SLC12A8: variants seen among roughly 807,000 people sequenced by gnomAD.
SLC12A8 encodes the protein cation-chloride cotransporter 9.
SLC12A8 carries 69 observed loss-of-function variants against 75.6 expected under a neutral mutation model. That is an observed-to-expected ratio of 0.91 (90% CI 0.75 to 1.11). SLC12A8 has a LOEUF of 1.11. Among genes scored for constraint, SLC12A8 ranks in the 50% most tolerant of loss-of-function variants. The pLI is 0.00. For synonymous variants in SLC12A8, 365 were observed against 372.8 expected, an observed-to-expected ratio of 0.98 and a Z score of 0.24; for missense variants, 877 against 896.7, an observed-to-expected ratio of 0.98 and a Z score of 0.28.
At chr3:125,103,394 G>A (rs988820769) in intron 10 of SLC12A8, among the ~76,000 whole-genome samples, 1 of 150,916 alleles carries the variant, frequency 6.6e-6, no homozygotes, top group African/African-American at 2.4e-5. Flanking sequence ...CTACAGTAAG[G>A]TGCCCCAATT....
intron 5 of SLC12A8, among the ~76,000 whole-genome samples, chr3:125,158,120 A>G (rs1465274481): frequency 6.6e-6 from 1 of 152,202 alleles, no homozygotes; most frequent in Non-Finnish European, 1.5e-5. Flanking sequence ...TTTCAGGAAT[A>G]AATACATTTT....
intron 5 of SLC12A8, among the ~76,000 whole-genome samples, chr3:125,175,800 A>G (rs1934514544): frequency 6.6e-6 from 1 of 151,996 alleles, no homozygotes; most frequent in African/African-American, 2.4e-5. Context: ...AGATGCGTCA[A>G]ATATTTAGCA....
chr3:125,087,375 A>G (rs1325556421), intron 13 of SLC12A8, among the ~76,000 whole-genome samples: 1 of 152,150 alleles, frequency 6.6e-6, no homozygotes, highest in Non-Finnish European at 1.5e-5. Flanking sequence ...TTACAGGCGT[A>G]AGCCACCACG....
rs369508798 is a variant in SLC12A8 at position 125,105,316 on chromosome 3, T to C, written c.1705+2165A>G. On this transcript the variant is annotated intron_variant, in intron 10 of 13. Coordinates refer to ENST00000469902, the MANE Select transcript of SLC12A8 (RefSeq NM_024628.6). ...TTGTTTCCTGGATCTGACACAGAAG[T>C]GTGGTAACAAGAGGAATTCTAAGAC... Among the ~76,000 whole-genome samples the C allele has an allele frequency of 2.6e-5, 4 of 152,124 alleles. No homozygotes were observed. In the East Asian group the frequency reaches 5.8e-4, roughly 22 times the overall value.
At chr3:125,107,003 G>GTATC (rs1939043433) in intron 10 of SLC12A8, among the ~76,000 whole-genome samples, 1 of 152,170 alleles carries the variant, frequency 6.6e-6, no homozygotes, top group Non-Finnish European at 1.5e-5. Context: ...GTGTCTCTGT[G>GTATC]TATCTCTGTG....
intron 12 of SLC12A8, 58 bp downstream of exon 12, chr3:125,091,381 T>C (rs968350396): frequency 1.6e-5 from 18 of 1,134,306 alleles, no homozygotes; most frequent in East Asian, 1.4e-4. Context: ...ATCTTTTTTT[T>C]CCCAATGAAT....
intron 10 of SLC12A8, among the ~76,000 whole-genome samples, chr3:125,094,375 ACT>A (rs1938660489): frequency 6.6e-6 from 1 of 151,972 alleles, no homozygotes; most frequent in South Asian, 2.1e-4. Context: ...TCATCCTCCT[ACT>A]CTCTGATAGA....
rs147038912 is a variant in SLC12A8 at position 125,097,528 on chromosome 3, TTGTGTGTGTGTGTGTG to T, written c.1706-5346_1706-5331del. Among the ~76,000 whole-genome samples, 628 of 139,484 alleles carry T rather than the reference TTGTGTGTGTGTGTGTG, an allele frequency of 4.5e-3. 4 individuals are homozygous for T. Among genetic ancestry groups the T allele is most frequent in the Non-Finnish European group, 6.1e-3 (400 of 65,702 alleles). The allele number at this position is 139,484 out of a possible 152,430, so 91.5% of individuals were successfully genotyped here. On this transcript the variant is annotated intron_variant, in intron 10 of 13. Coordinates refer to ENST00000469902, the MANE Select transcript of SLC12A8 (RefSeq NM_024628.6). ...TCAATTTTACTGAACCTAAAGGGAA[TTGTGTGTGTGTGTGTG>T]TGTGTGTGTGTGTGTGTGTGTGTGT... is the stretch of plus-strand genomic sequence containing the variant.
chr3:125,205,805 C>T (rs1204948546), intron 2 of SLC12A8, among the ~76,000 whole-genome samples: 1 of 152,100 alleles, frequency 6.6e-6, no homozygotes. Context: ...AATTTGTATC[C>T]TTTTTACTAG....
intron 5 of SLC12A8, among the ~76,000 whole-genome samples, chr3:125,147,014 C>T (rs546382269): frequency 4.6e-5 from 7 of 152,278 alleles, no homozygotes; most frequent in Non-Finnish European, 7.4e-5. Flanking sequence ...AGTTTGCCGA[C>T]GTCTGGAATC....
chr3:125,143,666 G>A (rs1349831804), intron 5 of SLC12A8, among the ~76,000 whole-genome samples: 3 of 152,238 alleles, frequency 2.0e-5, no homozygotes, highest in Non-Finnish European at 2.9e-5. Flanking sequence ...GCCTAGAAAG[G>A]AGCAGCCTAG....
chr3:125,118,986 T>C (rs1323576385), intron 7 of SLC12A8, 130 bp from the exon 8 acceptor site: 3 of 607,070 alleles, frequency 4.9e-6, no homozygotes, highest in East Asian at 3.0e-5. Flanking sequence ...GTCATGAAGC[T>C]TCCCCAGCTG....
chr3:125,177,607 C>T (rs895202356), intron 5 of SLC12A8, 136 bp downstream of exon 5: 3 of 670,824 alleles, frequency 4.5e-6, no homozygotes, highest in Non-Finnish European at 7.7e-6. Flanking sequence ...CTCACCTGAT[C>T]CAGGAACAGC....
intron 5 of SLC12A8, among the ~76,000 whole-genome samples, chr3:125,159,546 A>G (rs941945229): frequency 6.6e-6 from 1 of 152,274 alleles, no homozygotes; most frequent in African/African-American, 2.4e-5. Flanking sequence ...AGAAAATCTG[A>G]GAACCAATCT....
intron 4 of SLC12A8, among the ~76,000 whole-genome samples, chr3:125,185,181 G>A (rs1279998697): frequency 1.3e-5 from 2 of 152,124 alleles, no homozygotes; most frequent in Non-Finnish European, 2.9e-5. Flanking sequence ...TTAGCCGGGT[G>A]TGGTGGCGCA....
intron 2 of SLC12A8, among the ~76,000 whole-genome samples, chr3:125,195,398 C>G (rs1194114886): frequency 3.3e-5 from 5 of 152,136 alleles, no homozygotes; most frequent in African/African-American, 1.2e-4. Flanking sequence ...GGCTCTGTAG[C>G]CAAGGAAGCA....
intron 5 of SLC12A8, among the ~76,000 whole-genome samples, chr3:125,153,157 G>A (rs1933971775): frequency 6.6e-6 from 1 of 152,186 alleles, no homozygotes; most frequent in African/African-American, 2.4e-5. Flanking sequence ...ACTGGATGCT[G>A]ATCCACTCTG....
chr3:125,169,590 C>T (rs890556214), intron 5 of SLC12A8, among the ~76,000 whole-genome samples: 4 of 152,128 alleles, frequency 2.6e-5, no homozygotes, highest in African/African-American at 9.7e-5. Context: ...CACTCTGCAC[C>T]TGAGTATGAG....
intron 10 of SLC12A8, among the ~76,000 whole-genome samples, chr3:125,094,347 G>A (rs1938659738): frequency 6.6e-6 from 1 of 152,128 alleles, no homozygotes; most frequent in Non-Finnish European, 1.5e-5. Context: ...TTACTCAGCA[G>A]CCTCATACCT....
Sources: allele counts gnomAD v4.1 joint callset (sites outside exome capture counted in the v4.1 genomes callset), GRCh38; gene constraint gnomAD v4.1.1; transcripts MANE v1.5; gene names NCBI Gene and HGNC (gene_info 2026-07-23, HGNC 2026-07-21).